The following TGFA variants were observed in gnomAD, a reference collection of about 807,000 sequenced individuals.
The protein encoded by TGFA is protransforming growth factor alpha.
In TGFA, 12 loss-of-function variants were observed where a neutral mutation model predicts 21.7. That is an observed-to-expected ratio of 0.55 (90% CI 0.35 to 0.90). TGFA has a LOEUF of 0.90. Among genes scored for constraint, TGFA ranks in the 40% least tolerant of loss-of-function variants. The pLI, the probability that TGFA is intolerant of heterozygous loss-of-function variation, is 0.01. For missense variants in TGFA, 178 were observed against 210.8 expected (o/e 0.84, Z 0.96); for synonymous variants, 79 against 88.1 (o/e 0.90, Z 0.58).
chr2:70,514,416 AAT>A (rs1356057629), intron 2 of TGFA, among the ~76,000 whole-genome samples: 1 of 143,120 alleles, frequency 7.0e-6, no homozygotes, highest in African/African-American at 2.8e-5. Context: ...AATAAAAAAA[AAT>A]ACCGATTTTT....
chr2:70,539,045 A>G (rs1574145812), intron 1 of TGFA, among the ~76,000 whole-genome samples: 2 of 152,260 alleles, frequency 1.3e-5, no homozygotes, highest in African/African-American at 2.4e-5. Flanking sequence ...TCCTTCACCA[A>G]CAAAGATTAT....
In TGFA at chr2:70,478,950, T is replaced by C. The variant is rs1385415252; in HGVS notation, c.95-13214A>G. Among the ~76,000 whole-genome samples, 4 of 152,208 alleles carry C rather than the reference T, an allele frequency of 2.6e-5. No homozygotes were observed. The East Asian group carries it at 7.7e-4, about 29-fold the overall frequency. ...TATCAATGTTAAAAATGAAATTTGATGTGTCATTTGATAAAAAATTAGCAT... is the reference window on the plus strand; with the variant it reads ...TATCAATGTTAAAAATGAAATTTGACGTGTCATTTGATAAAAAATTAGCAT... On this transcript the variant is annotated intron_variant, in intron 2 of 5. Coordinates refer to ENST00000295400, the MANE Select transcript of TGFA (RefSeq NM_003236.4).
At chr2:70,512,590 G>C (rs1672136200) in intron 2 of TGFA, among the ~76,000 whole-genome samples, 1 of 152,244 alleles carries the variant, frequency 6.6e-6, no homozygotes, top group Non-Finnish European at 1.5e-5. Context: ...AGTTCAGGAA[G>C]AAAAGATGGA....
chr2:70,530,438 T>A (rs572290419), intron 1 of TGFA, among the ~76,000 whole-genome samples: 1 of 152,156 alleles, frequency 6.6e-6, no homozygotes, highest in East Asian at 1.9e-4. Flanking sequence ...CTGGGCCACA[T>A]TGGAAGAAGA....
chr2:70,453,357 C>A (rs1291571540), intron 4 of TGFA, 30 bp from the exon 5 acceptor site: 1 of 1,602,088 alleles, frequency 6.2e-7, no homozygotes, highest in Non-Finnish European at 8.5e-7. Flanking sequence ...CCAGTCTGGG[C>A]AGGAGCCTGG....
Position 70,450,640 on chromosome 2 carries a change from C to T in TGFA, c.*219G>A, listed in dbSNP as rs782247187. 18 of 559,570 alleles carry T rather than the reference C, an allele frequency of 3.2e-5. No individual in the cohort carries two copies. The highest frequency in any genetic ancestry group is 7.8e-5 in the South Asian group (3 of 38,492). The allele number at this position is 559,570 out of a possible 1,614,324, so 34.7% of individuals were successfully genotyped here. A position where few individuals can be genotyped will look rare whatever the true frequency, so the allele number is the denominator to read the frequency against. On this transcript the variant is annotated 3_prime_UTR_variant, in exon 6 of 6. Transcript: ENST00000295400. ...GTTCTTTTTTAACAAGTCTTGAAAT[C>T]GTGGTCCGCTGATTTCTTCTCTAGG...
At chr2:70,542,096 G>A (rs1673148370) in intron 1 of TGFA, among the ~76,000 whole-genome samples, 2 of 152,112 alleles carry the variant, frequency 1.3e-5, no homozygotes, top group Admixed American at 6.6e-5. Context: ...CAATTCCTCA[G>A]GGCTGCTGCC....
intron 2 of TGFA, among the ~76,000 whole-genome samples, chr2:70,481,083 T>G (rs1234629487): frequency 5.3e-5 from 8 of 152,172 alleles, no homozygotes; most frequent in Non-Finnish European, 1.0e-4. Context: ...CATAGTTCCA[T>G]GAAAAATTTG....
intron 2 of TGFA, among the ~76,000 whole-genome samples, chr2:70,491,243 T>TG (rs1671424109): frequency 6.6e-6 from 1 of 152,188 alleles, no homozygotes; most frequent in South Asian, 2.1e-4. Context: ...CAGCCAGGTA[T>TG]GTAGTATCAG....
chr2:70,521,623 T>TTG (rs1672473246), intron 1 of TGFA, among the ~76,000 whole-genome samples: 1 of 132,696 alleles, frequency 7.5e-6, no homozygotes, highest in African/African-American at 2.9e-5. Context: ...GTTTGTTTTT[T>TTG]TTTTTTTTTT....
chr2:70,470,890 A>C (rs893232707), intron 2 of TGFA, among the ~76,000 whole-genome samples: 2 of 152,064 alleles, frequency 1.3e-5, no homozygotes, highest in Non-Finnish European at 2.9e-5. Flanking sequence ...TGATACATTC[A>C]CTCTTGAAAC....
chr2:70,491,482 A>C (rs1671433487), intron 2 of TGFA, among the ~76,000 whole-genome samples: 1 of 152,224 alleles, frequency 6.6e-6, no homozygotes, highest in South Asian at 2.1e-4. Context: ...ACCAAAGCCC[A>C]CCTGTGCTTC....
At chr2:70,553,050 C>T in intron 1 of TGFA, 1 of 965,106 alleles carries the variant, frequency 1.0e-6, no homozygotes, top group Non-Finnish European at 1.5e-6. Context: ...CCTTCATTTC[C>T]AAGGACATAC....
At chr2:70,544,196 T>C (rs1382030452) in intron 1 of TGFA, among the ~76,000 whole-genome samples, 4 of 152,034 alleles carry the variant, frequency 2.6e-5, no homozygotes, top group Non-Finnish European at 4.4e-5. Flanking sequence ...TGCGCAAACA[T>C]TACCCGTAAA....
intron 2 of TGFA, among the ~76,000 whole-genome samples, chr2:70,501,585 C>A (rs1483559464): frequency 1.3e-5 from 2 of 152,154 alleles, no homozygotes; most frequent in Non-Finnish European, 2.9e-5. Flanking sequence ...CTCCAGGGTA[C>A]CGAAGAACTC....
In TGFA at chr2:70,456,361, T is replaced by C. The variant is rs1670227872; in HGVS notation, c.343A>G (p.Ile115Val). Residue 115 changes from isoleucine (I) to valine (V), a missense_variant, in exon 4 of 6, where the codon ATC (isoleucine) becomes GTC (valine). Coordinates refer to ENST00000295400, the MANE Select transcript of TGFA (RefSeq NM_003236.4). ...VVSIVALAVL[I>V]ITCVLIHCCQ... Reference sequence around the variant, plus strand: ...CACTGTATCAGCACACATGTGATGATAAGGACAGCCAGGGCCACGATGGAG... The same window carrying C: ...CACTGTATCAGCACACATGTGATGACAAGGACAGCCAGGGCCACGATGGAG... 1.9e-6 allele frequency: 3 copies of C among 1,561,964 alleles called. No homozygotes were observed. The highest frequency in any genetic ancestry group is 1.4e-5 in the African/African-American group (1 of 73,496).
At chr2:70,508,531 C>T (rs1465729673) in intron 2 of TGFA, among the ~76,000 whole-genome samples, 1 of 152,096 alleles carries the variant, frequency 6.6e-6, no homozygotes, top group Non-Finnish European at 1.5e-5. Context: ...CTGCAAGTGT[C>T]TAAGCTCTTA....
At chr2:70,532,989 G>C (rs1192541395) in intron 1 of TGFA, among the ~76,000 whole-genome samples, 1 of 151,718 alleles carries the variant, frequency 6.6e-6, no homozygotes, top group African/African-American at 2.4e-5. Context: ...AGTCTCCCAA[G>C]TAGCTGGGGT....
chr2:70,512,296 G>A (rs1445774684), intron 2 of TGFA, among the ~76,000 whole-genome samples: 1 of 152,090 alleles, frequency 6.6e-6, no homozygotes, highest in African/African-American at 2.4e-5. Flanking sequence ...AAGGCCCTGG[G>A]GTGCAAGTTC....
Sources: gnomAD v4.1 joint callset for allele counts (sites outside exome capture counted in the v4.1 genomes callset) on GRCh38, gnomAD v4.1.1 for gene constraint, MANE v1.5 for transcripts, NCBI Gene and HGNC (gene_info 2026-07-23, HGNC 2026-07-21) for gene names.